ITIH1: variants seen among roughly 807,000 people sequenced by gnomAD.
The protein encoded by ITIH1 is inter-alpha-trypsin inhibitor heavy chain 1, also known as inter-alpha-trypsin inhibitor heavy chain H1.
A neutral mutation model predicts 104.6 loss-of-function variants in ITIH1; 94 were observed. That is an observed-to-expected ratio of 0.90 (90% CI 0.76 to 1.07). The LOEUF (loss-of-function observed/expected upper bound fraction) is 1.07, where lower values mean the gene tolerates loss of function less well. Among genes scored for constraint, ITIH1 ranks in the 50% least tolerant of loss-of-function variants. The pLI is 0.00. For synonymous variants in ITIH1, 455 were observed against 464.4 expected (o/e 0.98, Z 0.26); for missense variants, 1,193 against 1,181.4 (o/e 1.01, Z -0.14).
At chr3:52,790,527 A>G (rs756853051) in intron 19 of ITIH1, 6 of 519,046 alleles carry the variant, frequency 1.2e-5, no homozygotes, top group Non-Finnish European at 1.7e-5. Flanking sequence ...GGATTGAATG[A>G]TGCAGTTTGC....
chr3:52,790,017 C>G (rs972344121), intron 19 of ITIH1, 163 bp downstream of exon 19: 2 of 684,430 alleles, frequency 2.9e-6, no homozygotes, highest in Non-Finnish European at 4.9e-6. Flanking sequence ...CCTCCATTTC[C>G]CTTGGTTACT....
chr3:52,788,443 T>C, intron 18 of ITIH1, 98 bp downstream of exon 18: 1 of 813,704 alleles, frequency 1.2e-6, no homozygotes, highest in East Asian at 2.7e-5. Context: ...CTCACTGCCC[T>C]CTGCCTGGGC....
chr3:52,778,885 A>G (rs934097303), intron 3 of ITIH1, 57 bp from the exon 4 acceptor site: 4 of 1,316,002 alleles, frequency 3.0e-6, no homozygotes, highest in Non-Finnish European at 4.4e-6. Flanking sequence ...AGGCCCTCTC[A>G]GGACCTGTGT....
At chr3:52,780,687 G>A (rs757971803) in intron 6 of ITIH1, among the ~76,000 whole-genome samples, 12 of 152,318 alleles carry the variant, frequency 7.9e-5, no homozygotes, top group Non-Finnish European at 1.0e-4. Context: ...CTCTTTGCCC[G>A]CCTCACGCCC....
chr3:52,790,736 C>T lies in ITIH1; in HGVS notation c.2322-13C>T. ...GCAGCCGCACCTGCCCTCTCGGCCA[C>T]CTGGCTCTGCAGGGTGGTGGTGACC... On this transcript the variant is annotated splice_polypyrimidine_tract_variant and intron_variant, in intron 19 of 21. Transcript: ENST00000273283. The T allele has an allele frequency of 6.2e-7, 1 of 1,608,170 alleles. No homozygotes were observed. The highest frequency in any genetic ancestry group is 8.5e-7 in the Non-Finnish European group (1 of 1,177,886).
Position 52,782,185 on chromosome 3 carries a change from C to T in ITIH1, c.848C>T (p.Pro283Leu). Residue 283 changes from proline to leucine, a missense_variant, in exon 8 of 22, where the codon CCC becomes CTC. Coordinates refer to ENST00000273283, the MANE Select transcript of ITIH1 (RefSeq NM_002215.4). ...AACCACTTTGCCCACTTCTTTGCCC[C>T]CCAAAACCTGACAAACATGAACAAG... ...ANNHFAHFFA[P>L]QNLTNMNKNV... The T allele has an allele frequency of 6.2e-7, 1 of 1,614,148 alleles. No individual in the cohort carries two copies. The highest frequency in any genetic ancestry group is 8.5e-7 in the Non-Finnish European group (1 of 1,180,018).
intron 6 of ITIH1, among the ~76,000 whole-genome samples, 186 bp downstream of exon 6, chr3:52,780,568 AT>A (rs2154108219): frequency 6.6e-6 from 1 of 152,310 alleles, no homozygotes; most frequent in South Asian, 2.1e-4. Context: ...TCTCAGAGCA[AT>A]TTAGCAAAAG....
At position 52,784,495 on chromosome 3, in the gene ITIH1, C is replaced by A. The variant is rs761761532; in HGVS notation, c.1407+18C>A. The stretch of plus-strand genomic sequence containing the variant: ...AGCTGCAGGTCTCCCCTCACAACCC[C>A]CTGTACCTCCAATGGCATGCCATAG... On this transcript the variant is annotated intron_variant, in intron 11 of 21. Transcript: ENST00000273283. 7.4e-6 allele frequency: 12 copies of A among 1,611,020 alleles called. No homozygotes were observed. Among genetic ancestry groups the A allele is most frequent in the Middle Eastern group, 1.6e-4 (1 of 6,064 alleles).
At chr3:52,785,278 G>C in intron 12 of ITIH1, 49 bp downstream of exon 12, 2 of 1,574,422 alleles carry the variant, frequency 1.3e-6, no homozygotes, top group Non-Finnish European at 1.7e-6. Flanking sequence ...CACCCTAGAG[G>C]CTCCAAACCC....
In ITIH1 at chr3:52,780,292, C is replaced by T; in HGVS notation, c.597C>T (p.Pro199=). The T allele has an allele frequency of 1.9e-6, 3 of 1,613,798 alleles. No homozygotes were observed. Among genetic ancestry groups the T allele is most frequent in the Non-Finnish European group, 2.5e-6 (3 of 1,179,806 alleles). Residue 199 remains proline, a synonymous_variant, in exon 6 of 22, where the codon CCC becomes CCT. Transcript: ENST00000273283. The part of the protein sequence containing the change: ...HFEIDVDIFE[P]QGISKLDAQA... ...AGATTGATGTGGACATCTTCGAGCCCCAGGGGATCAGCAAGCTGGATGCCC... is the reference window on the plus strand; with the variant it reads ...AGATTGATGTGGACATCTTCGAGCCTCAGGGGATCAGCAAGCTGGATGCCC...
intron 6 of ITIH1, 76 bp from the exon 7 acceptor site, chr3:52,781,864 T>G: frequency 6.4e-7 from 1 of 1,572,316 alleles, no homozygotes; most frequent in East Asian, 2.3e-5. Context: ...CACGCATGCC[T>G]TCTTATGTTG....
intron 3 of ITIH1, 28 bp from the exon 4 acceptor site, chr3:52,778,914 T>G (rs756518088): frequency 1.3e-6 from 2 of 1,533,088 alleles, no homozygotes; most frequent in Non-Finnish European, 1.8e-6. Flanking sequence ...GGCTCATCTT[T>G]CCTGAGGGTG....
At chr3:52,788,471 G>A in intron 18 of ITIH1, 126 bp downstream of exon 18, 3 of 675,346 alleles carry the variant, frequency 4.4e-6, no homozygotes, top group Non-Finnish European at 7.7e-6. Context: ...ACCTGGCTGG[G>A]CTCTGCCCGC....
chr3:52,780,439 C>T (rs1699006082), intron 6 of ITIH1, 57 bp downstream of exon 6: 1 of 1,204,402 alleles, frequency 8.3e-7, no homozygotes, highest in Non-Finnish European at 1.2e-6. Flanking sequence ...TCAGCCTGCC[C>T]ACCCCTTATG....
intron 20 of ITIH1, among the ~76,000 whole-genome samples, chr3:52,791,167 G>A (rs1050854262): frequency 1.3e-5 from 2 of 152,134 alleles, no homozygotes; most frequent in Non-Finnish European, 2.9e-5. Flanking sequence ...CAAAAAGAAA[G>A]GCCCAGAGGG....
chr3:52,780,196 T>C, intron 5 of ITIH1, 73 bp from the exon 6 acceptor site: 1 of 1,280,936 alleles, frequency 7.8e-7, no homozygotes, highest in Non-Finnish European at 1.1e-6. Context: ...GCCCAGGAGT[T>C]TGAGGCCAGC....
rs1302096904 is a variant in ITIH1, at chr3:52,789,766, G to C, written c.2233G>C (p.Glu745Gln). Residue 745 changes from glutamate to glutamine, a missense_variant, in exon 19 of 22, where the codon GAA becomes CAA. Transcript: ENST00000273283. ...IANPATDFQL[E>Q]VTPQNITLNP... ...AAACCCTGCCACGGACTTTCAGTTG[G>C]AAGTGACTCCTCAGAACATTACGCT... The C allele has an allele frequency of 5.0e-6, 8 of 1,614,242 alleles. No homozygotes were observed. Among genetic ancestry groups the C allele is most frequent in the Non-Finnish European group, 6.8e-6 (8 of 1,180,036 alleles).
At chr3:52,786,910 T>G in intron 13 of ITIH1, 35 bp from the exon 14 acceptor site, 1 of 1,579,064 alleles carries the variant, frequency 6.3e-7, no homozygotes, top group Non-Finnish European at 8.6e-7. Flanking sequence ...GCCGTGCAAG[T>G]CGGGGCTTGG....
Position 52,788,463 on chromosome 3 carries a change from C to A in ITIH1, c.2119+118C>A, listed in dbSNP as rs895184246. ...TGCCCTCTGCCTGGGCACCATCCAC[C>A]TGGCTGGGCTCTGCCCGCTGCCTTC... On this transcript the variant is annotated intron_variant, in intron 18 of 21. Coordinates refer to ENST00000273283, the MANE Select transcript of ITIH1 (RefSeq NM_002215.4). 5.6e-6 allele frequency: 4 copies of A among 716,842 alleles called. No individual in the cohort carries two copies. The African/African-American group carries it at 7.0e-5, about 13-fold the overall frequency. The allele number at this position is 716,842 out of a possible 1,614,324, so 44.4% of individuals were successfully genotyped here.
Sources: allele counts gnomAD v4.1 joint callset (sites outside exome capture counted in the v4.1 genomes callset), GRCh38; gene constraint gnomAD v4.1.1; transcripts MANE v1.5; gene names NCBI Gene and HGNC (gene_info 2026-07-23, HGNC 2026-07-21).